The following OSBPL2 variants were observed in gnomAD, a reference collection of about 807,000 sequenced individuals.
The protein encoded by OSBPL2 is oxysterol binding protein like 2.
In OSBPL2, 18 loss-of-function variants were observed where a neutral mutation model predicts 58.4. That is an observed-to-expected ratio of 0.31 (90% CI 0.21 to 0.46). The LOEUF is 0.46. Ranked by LOEUF, OSBPL2 falls within the 20% of genes least tolerant of loss-of-function variation. OSBPL2 has a pLI of 1.00. For missense variants in OSBPL2, 461 were observed against 616.5 expected (o/e 0.75, Z 2.67); for synonymous variants, 221 against 234.1 (o/e 0.94, Z 0.51).
chr20:62,242,710 A>G (rs1979812951), intron 1 of OSBPL2: 1 of 152,372 alleles, frequency 6.6e-6, no homozygotes, highest in African/African-American at 2.4e-5. Context: ...TGTGGCCCCG[A>G]CGCTGAGGCA....
intron 1 of OSBPL2, among the ~76,000 whole-genome samples, chr20:62,244,277 A>T (rs1469188350): frequency 1.3e-5 from 2 of 151,968 alleles, no homozygotes; most frequent in Non-Finnish European, 2.9e-5. Context: ...GGGTTGTGAG[A>T]TGTGGGTACA....
At chr20:62,280,108 C>T in intron 7 of OSBPL2, 2 of 1,304,054 alleles carry the variant, frequency 1.5e-6, no homozygotes, top group Non-Finnish European at 2.0e-6. Context: ...CCTCCTGGGC[C>T]ACCAGTTCTG....
intron 6 of OSBPL2, 55 bp downstream of exon 6, chr20:62,273,461 C>T: frequency 7.7e-7 from 1 of 1,304,258 alleles, no homozygotes; most frequent in Non-Finnish European, 1.1e-6. Flanking sequence ...CCTTGGATGA[C>T]AGATAAGTTT....
chr20:62,254,992 G>A (rs1186460107), intron 1 of OSBPL2, among the ~76,000 whole-genome samples: 3 of 152,020 alleles, frequency 2.0e-5, no homozygotes, highest in Non-Finnish European at 4.4e-5. Context: ...CCAGCCTCTG[G>A]TGAATGTTTG....
intron 11 of OSBPL2, among the ~76,000 whole-genome samples, 159 bp downstream of exon 11, chr20:62,286,870 G>T (rs980576073): frequency 5.3e-5 from 8 of 152,268 alleles, no homozygotes; most frequent in Non-Finnish European, 1.0e-4. Context: ...TGTCGGAGTG[G>T]CTTCTGTTGT....
At chr20:62,290,760 C>T (rs1355810416) in intron 12 of OSBPL2, among the ~76,000 whole-genome samples, 124 of 134,814 alleles carry the variant, frequency 9.2e-4, no homozygotes, top group Non-Finnish European at 1.3e-3. Flanking sequence ...TTTTTTGAGA[C>T]AGAGTTTCAC....
chr20:62,271,158 C>G (rs760340700), intron 4 of OSBPL2, among the ~76,000 whole-genome samples: 1 of 152,170 alleles, frequency 6.6e-6, no homozygotes, highest in Non-Finnish European at 1.5e-5. Flanking sequence ...GGAATGCCTA[C>G]TGCCCTTGGG....
intron 11 of OSBPL2, 90 bp from the exon 12 acceptor site, chr20:62,289,117 C>A: frequency 6.9e-7 from 1 of 1,453,082 alleles, no homozygotes; most frequent in Non-Finnish European, 9.5e-7. Context: ...GTAGCACCTG[C>A]GGGATTTCAG....
chr20:62,272,037 A>C (rs1358620189), intron 4 of OSBPL2, 88 bp from the exon 5 acceptor site: 1 of 1,514,206 alleles, frequency 6.6e-7, no homozygotes, highest in East Asian at 2.3e-5. Context: ...CTGCGGCTCC[A>C]TGAAGGGATG....
intron 1 of OSBPL2, among the ~76,000 whole-genome samples, chr20:62,245,042 G>C (rs1050773865): frequency 1.7e-4 from 26 of 152,224 alleles, no homozygotes; most frequent in Middle Eastern, 3.2e-3. Context: ...TCCCGAGTCA[G>C]GGTTGAGCCA....
At position 62,290,704 on chromosome 20, in the gene OSBPL2, A is replaced by G. The variant is rs185833427; in HGVS notation, c.1250-999A>G. 5.6e-3 allele frequency among the ~76,000 whole-genome samples: 816 copies of G among 146,176 alleles called. 27 individuals are homozygous for G. The highest frequency in any genetic ancestry group is 0.05 in the Admixed American group (741 of 14,746). Reference sequence around the variant, plus strand: ...CAGAGTGCTGGGATTACAGGCATGAACCACTGTGCCTGGCCAGGTTTTTTT... The same window carrying G: ...CAGAGTGCTGGGATTACAGGCATGAGCCACTGTGCCTGGCCAGGTTTTTTT... On this transcript the variant is annotated intron_variant, in intron 12 of 13. Coordinates refer to ENST00000313733, the MANE Select transcript of OSBPL2 (RefSeq NM_144498.4).
chr20:62,292,597 G>A (rs960509221), intron 13 of OSBPL2, among the ~76,000 whole-genome samples: 2 of 152,198 alleles, frequency 1.3e-5, no homozygotes, highest in Non-Finnish European at 2.9e-5. Context: ...ACTGTAATAA[G>A]TATAATTTAA....
intron 1 of OSBPL2, among the ~76,000 whole-genome samples, chr20:62,239,864 A>G (rs1342663636): frequency 6.6e-6 from 1 of 152,026 alleles, no homozygotes; most frequent in Non-Finnish European, 1.5e-5. Flanking sequence ...TTCTTGTTTT[A>G]TGTTTTGAGA....
intron 4 of OSBPL2, 61 bp from the exon 5 acceptor site, chr20:62,272,064 C>T (rs929333517): frequency 1.9e-5 from 31 of 1,593,110 alleles, no homozygotes; most frequent in East Asian, 2.2e-5. Context: ...GCAGGGGCAT[C>T]GGGCAGCCCA....
intron 9 of OSBPL2, 97 bp downstream of exon 9, chr20:62,281,976 A>G (rs1982821793): frequency 1.3e-6 from 1 of 742,620 alleles, no homozygotes; most frequent in Non-Finnish European, 2.5e-6. Flanking sequence ...GCCTACGTGC[A>G]TGAGACGCGG....
At chr20:62,257,354 C>G (rs1374425032) in intron 2 of OSBPL2, among the ~76,000 whole-genome samples, 1 of 152,258 alleles carries the variant, frequency 6.6e-6, no homozygotes, top group Non-Finnish European at 1.5e-5. Flanking sequence ...TTGACTTACT[C>G]TTATCCAAAA....
chr20:62,251,427 A>C lies in OSBPL2; in HGVS notation c.-128-4630A>C, dbSNP rs1980531169. ...CGTGACTTTTTTTTTTTTTTTTTTA[A>C]GACAGATTTTTGCTCTTGTTGCCCA... On this transcript the variant is annotated intron_variant, in intron 1 of 13. Coordinates refer to ENST00000313733, the MANE Select transcript of OSBPL2 (RefSeq NM_144498.4). Among the ~76,000 whole-genome samples, 3 of 131,658 alleles carry C rather than the reference A, an allele frequency of 2.3e-5. No homozygotes were observed. In the South Asian group the frequency reaches 7.3e-4, roughly 32 times the overall value. 86.4% of individuals were successfully genotyped at this position (131,658 alleles called of 152,430 possible).
At position 62,289,344 on chromosome 20, in the gene OSBPL2, G is replaced by C; in HGVS notation, c.1249+14G>C. The C allele has an allele frequency of 6.2e-7, 1 of 1,610,664 alleles. No individual in the cohort carries two copies. The highest frequency in any genetic ancestry group is 8.5e-7 in the Non-Finnish European group (1 of 1,178,310). Reference sequence around the variant, plus strand: ...ATGGCAACATGGGTGCGTCCACGCAGTCAGAGGAGGAAGCTTGGGGCCAAG... The same window carrying C: ...ATGGCAACATGGGTGCGTCCACGCACTCAGAGGAGGAAGCTTGGGGCCAAG... On this transcript the variant is annotated intron_variant, in intron 12 of 13. Transcript: ENST00000313733.
chr20:62,263,486 A>G (rs1047460832), intron 3 of OSBPL2, 130 bp from the exon 4 acceptor site: 1 of 735,778 alleles, frequency 1.4e-6, no homozygotes, highest in Non-Finnish European at 2.4e-6. Flanking sequence ...GTCCCTAGGC[A>G]TGCCAGAATG....
Sources: gnomAD v4.1 joint callset for allele counts (sites outside exome capture counted in the v4.1 genomes callset) on GRCh38, gnomAD v4.1.1 for gene constraint, MANE v1.5 for transcripts, NCBI Gene and HGNC (gene_info 2026-07-23, HGNC 2026-07-21) for gene names.